Variants in LRP1B observed in about 807,000 individuals in gnomAD.
LRP1B encodes low-density lipoprotein receptor-related protein 1B.
A neutral mutation model predicts 556.6 loss-of-function variants in LRP1B; 217 were observed. The observed-to-expected ratio is 0.39, with a 90% CI of 0.35 to 0.44. The LOEUF (loss-of-function observed/expected upper bound fraction) is 0.44, where lower values mean the gene tolerates loss of function less well. LRP1B is among the 20% of genes least tolerant of loss of function. The pLI is 1.00. For missense variants in LRP1B, 5,053 were observed against 5,620.8 expected, an observed-to-expected ratio of 0.90 and a Z score of 3.23; for synonymous variants, 2,047 against 1,865.8, an observed-to-expected ratio of 1.10 and a Z score of -2.50.
chr2:142,006,868 A>G (rs566940760), intron 1 of LRP1B, among the ~76,000 whole-genome samples: 10 of 152,304 alleles, frequency 6.6e-5, no homozygotes, highest in South Asian at 2.1e-4. Context: ...ACTATTTTTA[A>G]CATGTTTTCT....
intron 1 of LRP1B, among the ~76,000 whole-genome samples, chr2:142,117,399 G>A (rs181519584): frequency 6.2e-4 from 95 of 152,134 alleles, no homozygotes; most frequent in Non-Finnish European, 1.1e-3. Flanking sequence ...TGGCCCAGTC[G>A]AAATATCTAG....
chr2:141,652,302 T>A (rs1052107980), intron 2 of LRP1B, among the ~76,000 whole-genome samples: 3 of 152,212 alleles, frequency 2.0e-5, no homozygotes, highest in Non-Finnish European at 4.4e-5. Context: ...AGCTATTTCT[T>A]ATAGAAATAT....
chr2:140,565,846 C>T (rs1369789108), intron 43 of LRP1B, among the ~76,000 whole-genome samples: 2 of 152,110 alleles, frequency 1.3e-5, no homozygotes, highest in Middle Eastern at 3.2e-3. Flanking sequence ...GAACTTCTCC[C>T]AGTGGGGAAA....
At chr2:142,046,395 C>T (rs2060592) in intron 1 of LRP1B, among the ~76,000 whole-genome samples, 80,494 of 151,672 alleles carry the variant, frequency 0.53, 22,182 homozygotes, top group East Asian at 0.69. Context: ...TATGGTACAC[C>T]ACCAGTAAAA....
intron 1 of LRP1B, among the ~76,000 whole-genome samples, chr2:142,084,429 G>T (rs1421540972): frequency 6.6e-6 from 1 of 151,320 alleles, no homozygotes; most frequent in Non-Finnish European, 1.5e-5. Flanking sequence ...TCTTAATCAC[G>T]CTCTTCAAGA....
intron 7 of LRP1B, among the ~76,000 whole-genome samples, chr2:141,096,946 A>G (rs777072962): frequency 4.6e-5 from 7 of 152,158 alleles, no homozygotes; most frequent in Non-Finnish European, 2.9e-5. Context: ...CAACAGTCCA[A>G]CAGAAAATTT....
chr2:141,686,195 G>T (rs1425045787), intron 2 of LRP1B, among the ~76,000 whole-genome samples: 2 of 151,760 alleles, frequency 1.3e-5, no homozygotes, highest in Non-Finnish European at 2.9e-5. Flanking sequence ...CCTAAACTAT[G>T]TTAACCACTA....
At chr2:140,478,219 G>A (rs939303028) in intron 59 of LRP1B, among the ~76,000 whole-genome samples, 8 of 147,006 alleles carry the variant, frequency 5.4e-5, no homozygotes, top group Non-Finnish European at 8.9e-5. Context: ...GTGTAATCTC[G>A]GCTCACTGCA....
chr2:140,506,912 T>C lies in LRP1B; in HGVS notation c.8405A>G (p.Asn2802Ser). 6.2e-7 allele frequency: 1 copy of C among 1,613,666 alleles called. No homozygotes were observed. The highest frequency in any genetic ancestry group is 8.5e-7 in the Non-Finnish European group (1 of 1,179,856). The change falls in exon 53 of 91, where the codon AAT becomes AGT. Residue 2802 changes from asparagine to serine, a missense_variant. This residue lies in a region of LRP1B where 3,619 missense variants were observed against 3,931.9 expected (regional missense o/e 0.92). Transcript: ENST00000389484. The part of the protein sequence containing the change: ...DELSTAGCAP[N>S]NTCDENAFMC... ...GAAAGCATTTTCATCACATGTATTA[T>C]TGGGAGCTAAGAAAGGCATCACAAA...
chr2:140,988,254 G>T (rs1312628576), intron 17 of LRP1B, among the ~76,000 whole-genome samples: 1 of 152,012 alleles, frequency 6.6e-6, no homozygotes, highest in East Asian at 1.9e-4. Flanking sequence ...TAGGGACTTA[G>T]GACTGGATGG....
At chr2:140,768,532 T>A (rs1393102969) in intron 35 of LRP1B, among the ~76,000 whole-genome samples, 1 of 151,974 alleles carries the variant, frequency 6.6e-6, no homozygotes, top group Admixed American at 6.6e-5. Flanking sequence ...ACCAAATATT[T>A]ATGCTATGTC....
chr2:141,304,701 A>G (rs1686522423), intron 3 of LRP1B, among the ~76,000 whole-genome samples: 1 of 151,520 alleles, frequency 6.6e-6, no homozygotes, highest in East Asian at 1.9e-4. Context: ...GGGTTTCACC[A>G]TGTTGGCCAG....
At chr2:141,896,134 A>C (rs1699446803) in intron 1 of LRP1B, among the ~76,000 whole-genome samples, 2 of 152,132 alleles carry the variant, frequency 1.3e-5, no homozygotes, top group African/African-American at 4.8e-5. Context: ...AATATATTTG[A>C]AGTATCTTAC....
chr2:140,263,451 A>C (rs966249491), intron 86 of LRP1B, among the ~76,000 whole-genome samples: 2 of 152,158 alleles, frequency 1.3e-5, no homozygotes, highest in African/African-American at 4.8e-5. Flanking sequence ...CCTATTTTCT[A>C]CTTATTTTTC....
intron 41 of LRP1B, among the ~76,000 whole-genome samples, chr2:140,647,081 T>C (rs958377753): frequency 4.6e-5 from 7 of 152,154 alleles, no homozygotes; most frequent in African/African-American, 1.7e-4. Flanking sequence ...AATGAAATAA[T>C]TCCCTAGTTT....
intron 2 of LRP1B, among the ~76,000 whole-genome samples, chr2:141,697,933 G>A (rs1430901017): frequency 2.6e-5 from 4 of 151,764 alleles, no homozygotes; most frequent in African/African-American, 7.3e-5. Context: ...TTTAGCTTAC[G>A]GTGCTTCTAC....
chr2:140,323,592 TTAAAGTA>T (rs959424120), intron 81 of LRP1B, among the ~76,000 whole-genome samples: 13 of 151,712 alleles, frequency 8.6e-5, no homozygotes, highest in African/African-American at 3.1e-4. Context: ...ACCCTAAAAC[TTAAAGTA>T]TAATAATAAT....
intron 41 of LRP1B, among the ~76,000 whole-genome samples, chr2:140,603,574 CT>C (rs1358331042): frequency 3.9e-5 from 6 of 152,082 alleles, no homozygotes; most frequent in African/African-American, 1.4e-4. Context: ...ACATATCTTC[CT>C]CTTCGTAACT....
intron 59 of LRP1B, among the ~76,000 whole-genome samples, chr2:140,479,817 T>C (rs1377384396): frequency 1.3e-5 from 2 of 152,230 alleles, no homozygotes; most frequent in Non-Finnish European, 2.9e-5. Context: ...TAATGAAATA[T>C]TTCTGTGTTC....
Sources: gnomAD v4.1 joint callset for allele counts (sites outside exome capture counted in the v4.1 genomes callset) on GRCh38, gnomAD v4.1.1 for gene constraint, gnomAD v4.1.1 regional missense constraint, MANE v1.5 for transcripts, NCBI Gene and HGNC (gene_info 2026-07-23, HGNC 2026-07-21) for gene names.